DIAPH3: variants seen among roughly 807,000 people sequenced by gnomAD.
The protein encoded by DIAPH3 is protein diaphanous homolog 3.
In DIAPH3, 117 loss-of-function variants were observed where a neutral mutation model predicts 144.3. The ratio of observed to expected loss-of-function variants is 0.81; its 90% confidence interval spans 0.70 to 0.95. The LOEUF is 0.95. DIAPH3 is among the 40% of genes least tolerant of loss of function. The pLI is 0.00. For synonymous variants in DIAPH3, 519 were observed against 488.9 expected (o/e 1.06, Z -0.81); for missense variants, 1,421 against 1,412.7 (o/e 1.01, Z -0.09).
chr13:60,013,713 C>G (rs2053436780), intron 7 of DIAPH3, among the ~76,000 whole-genome samples: 2 of 151,980 alleles, frequency 1.3e-5, no homozygotes, highest in African/African-American at 4.8e-5. Context: ...CCTCTTAAAA[C>G]TTATATTTTC....
chr13:59,855,901 GAT>G lies in DIAPH3; in HGVS notation c.2737+5504_2737+5505del, dbSNP rs376734398. On this transcript the variant is annotated intron_variant, in intron 22 of 27. Transcript: ENST00000400324. ...GAAAAGAAACATATATATATTTATG[GAT>G]ATATATATATATGGATATAGTGAGT... is the stretch of plus-strand genomic sequence containing the variant. Among the ~76,000 whole-genome samples, 53 of 149,774 alleles carry G rather than the reference GAT, an allele frequency of 3.5e-4. No individual in the cohort carries two copies. The East Asian group carries it at 5.8e-3, about 16-fold the overall frequency.
At chr13:59,792,754 A>G (rs977202967) in intron 25 of DIAPH3, among the ~76,000 whole-genome samples, 8 of 152,066 alleles carry the variant, frequency 5.3e-5, no homozygotes, top group Non-Finnish European at 1.0e-4. Context: ...CACTTTGACC[A>G]TGGTTCACAC....
intron 22 of DIAPH3, among the ~76,000 whole-genome samples, chr13:59,854,062 G>A (rs1162176558): frequency 6.6e-6 from 1 of 152,152 alleles, no homozygotes; most frequent in Non-Finnish European, 1.5e-5. Flanking sequence ...ATCATCCTGT[G>A]ACTGACATCA....
intron 9 of DIAPH3, among the ~76,000 whole-genome samples, chr13:59,993,813 C>T (rs184165106): frequency 1.3e-5 from 2 of 151,162 alleles, no homozygotes; most frequent in Admixed American, 1.3e-4. Context: ...CCTTCCACCC[C>T]CTTGCCAGTC....
In DIAPH3 at chr13:59,713,355, G is replaced by A. The variant is rs576964849; in HGVS notation, c.3320-46509C>T. Reference sequence around the variant, plus strand: ...CTAAAAGCATGTGCTGCCACATCTGGCACAGTCTGTTTTTTGAAACCTAAA... The same window carrying A: ...CTAAAAGCATGTGCTGCCACATCTGACACAGTCTGTTTTTTGAAACCTAAA... On this transcript the variant is annotated intron_variant, in intron 27 of 27. Coordinates refer to ENST00000400324, the MANE Select transcript of DIAPH3 (RefSeq NM_001042517.2). Among the ~76,000 whole-genome samples the A allele has an allele frequency of 5.3e-5, 8 of 152,074 alleles. No individual in the cohort carries two copies. In the East Asian group the frequency reaches 1.5e-3, roughly 29 times the overall value.
intron 25 of DIAPH3, among the ~76,000 whole-genome samples, chr13:59,810,097 GACA>G (rs1203903434): frequency 6.6e-6 from 1 of 151,676 alleles, no homozygotes; most frequent in African/African-American, 2.4e-5. Flanking sequence ...GAAACATATT[GACA>G]ACAATTTTGT....
chr13:59,742,841 G>A (rs939726424), intron 27 of DIAPH3, among the ~76,000 whole-genome samples: 3 of 152,146 alleles, frequency 2.0e-5, no homozygotes, highest in African/African-American at 7.2e-5. Flanking sequence ...TTCATAAGTT[G>A]ACATGACTCA....
chr13:60,097,788 A>AAG (rs368169240), intron 3 of DIAPH3, among the ~76,000 whole-genome samples: 6,134 of 151,398 alleles, frequency 0.041, 450 homozygotes, highest in African/African-American at 0.14. Context: ...GAAAAAAAAA[A>AAG]AGAGAGAGAG....
At chr13:59,954,884 T>C (rs938333487) in intron 17 of DIAPH3, among the ~76,000 whole-genome samples, 1 of 151,860 alleles carries the variant, frequency 6.6e-6, no homozygotes, top group African/African-American at 2.4e-5. Flanking sequence ...TGCTGAACCA[T>C]TAGAAACCAC....
intron 24 of DIAPH3, among the ~76,000 whole-genome samples, chr13:59,827,870 C>A (rs1266884468): frequency 6.6e-6 from 1 of 152,018 alleles, no homozygotes; most frequent in African/African-American, 2.4e-5. Flanking sequence ...CACGCTACAG[C>A]TGTTGGATAG....
chr13:59,801,439 C>T (rs2039894583), intron 25 of DIAPH3, among the ~76,000 whole-genome samples: 1 of 152,174 alleles, frequency 6.6e-6, no homozygotes, highest in Admixed American at 6.5e-5. Context: ...AGATTCAGCA[C>T]TAATTTTACA....
intron 27 of DIAPH3, among the ~76,000 whole-genome samples, chr13:59,693,798 T>C (rs1168117295): frequency 6.6e-6 from 1 of 152,216 alleles, no homozygotes; most frequent in Non-Finnish European, 1.5e-5. Flanking sequence ...TAGGGAATTA[T>C]ATTTTTAAAT....
chr13:59,687,613 G>A (rs2033284150), intron 27 of DIAPH3, among the ~76,000 whole-genome samples: 1 of 152,012 alleles, frequency 6.6e-6, no homozygotes, highest in Non-Finnish European at 1.5e-5. Context: ...TCTCCTCTTA[G>A]TGTCTTGAAA....
chr13:59,760,254 C>T (rs533584544), intron 27 of DIAPH3, among the ~76,000 whole-genome samples: 10 of 152,258 alleles, frequency 6.6e-5, no homozygotes, highest in East Asian at 1.9e-4. Context: ...CTCCTCCTTT[C>T]GTACATGGGG....
intron 5 of DIAPH3, among the ~76,000 whole-genome samples, chr13:60,041,550 T>C (rs2055666338): frequency 6.6e-6 from 1 of 152,214 alleles, no homozygotes; most frequent in Non-Finnish European, 1.5e-5. Flanking sequence ...TTTAAATACA[T>C]GTACGGTCAA....
rs192979769 is a variant in DIAPH3, at chr13:59,763,933, C to T, written c.3319+10256G>A. Among the ~76,000 whole-genome samples the T allele has an allele frequency of 5.9e-5, 9 of 151,982 alleles. No individual in the cohort carries two copies. The East Asian group carries it at 9.8e-4, about 16-fold the overall frequency. On this transcript the variant is annotated intron_variant, in intron 27 of 27. Coordinates refer to ENST00000400324, the MANE Select transcript of DIAPH3 (RefSeq NM_001042517.2). ...GTTTCTCTGTGTAATTCTCTTGCTCCGAGCTAGTACTGTGGGGAGGAGCAG... is the reference window on the plus strand; with the variant it reads ...GTTTCTCTGTGTAATTCTCTTGCTCTGAGCTAGTACTGTGGGGAGGAGCAG...
intron 4 of DIAPH3, among the ~76,000 whole-genome samples, chr13:60,061,696 T>C (rs2056781732): frequency 6.6e-6 from 1 of 150,468 alleles, no homozygotes; most frequent in African/African-American, 2.5e-5. Flanking sequence ...ACAGGGAGAA[T>C]TGTTTTTCCT....
chr13:59,811,609 T>C (rs963209004), intron 24 of DIAPH3, among the ~76,000 whole-genome samples: 10 of 151,112 alleles, frequency 6.6e-5, no homozygotes, highest in East Asian at 1.9e-4. Flanking sequence ...TGGTGGCGGG[T>C]GCCTGTAATC....
At chr13:59,957,148 G>A (rs2049455812) in intron 17 of DIAPH3, among the ~76,000 whole-genome samples, 1 of 152,180 alleles carries the variant, frequency 6.6e-6, no homozygotes, top group African/African-American at 2.4e-5. Flanking sequence ...TTGGGAGACT[G>A]TTGGGAAGAC....
Sources: gnomAD v4.1 joint callset for allele counts (sites outside exome capture counted in the v4.1 genomes callset) on GRCh38, gnomAD v4.1.1 for gene constraint, MANE v1.5 for transcripts, NCBI Gene and HGNC (gene_info 2026-07-23, HGNC 2026-07-21) for gene names.